XPO5: variants seen among roughly 807,000 people sequenced by gnomAD.
XPO5 encodes the protein exportin 5.
XPO5 carries 46 observed loss-of-function variants against 160.6 expected under a neutral mutation model. The ratio of observed to expected loss-of-function variants is 0.29; its 90% CI spans 0.23 to 0.37. XPO5 has a LOEUF of 0.37. Ranked by LOEUF, XPO5 falls within the 10% of genes least tolerant of loss-of-function variation. The probability of loss-of-function intolerance (pLI) is 1.00; values close to 1 mark genes in which losing one functional copy is unlikely to be tolerated. For synonymous variants in XPO5, 537 were observed against 519.3 expected (o/e 1.03, Z -0.46); for missense variants, 1,090 against 1,463.9 (o/e 0.74, Z 4.17).
Position 43,570,504 on chromosome 6 carries a change from C to T in XPO5, c.619G>A (p.Val207Met), listed in dbSNP as rs1285794722. ...TTATAGGTAGGGGTATCCCTTACCA[C>T]TTGCTGATACTTGTTTACATTTTCT... is the stretch of plus-strand genomic sequence containing the variant. ...LQENVNKYQQ[V>M]KTDTSQESKA... Residue 207 changes from valine to methionine, a missense_variant and splice_region_variant, in exon 5 of 32, where the codon GTG (valine) becomes ATG (methionine). Around this residue, in one of 3 missense-constraint regions of XPO5, gnomAD observed 110 missense variants for 97.9 expected, o/e 1.12. Coordinates refer to ENST00000265351, the MANE Select transcript of XPO5 (RefSeq NM_020750.3). 6.2e-7 allele frequency: 1 copy of T among 1,612,744 alleles called. No homozygotes were observed.
intron 21 of XPO5, among the ~76,000 whole-genome samples, chr6:43,533,028 C>T (rs1355312536): frequency 6.6e-6 from 1 of 151,998 alleles, no homozygotes; most frequent in Non-Finnish European, 1.5e-5. Flanking sequence ...TGCCTGTAGT[C>T]CCAGCAGGCT....
chr6:43,530,447 T>C (rs997088002), intron 23 of XPO5, among the ~76,000 whole-genome samples: 1 of 151,984 alleles, frequency 6.6e-6, no homozygotes, highest in African/African-American at 2.4e-5. Flanking sequence ...GTTTTATCTG[T>C]AATAATTCCG....
chr6:43,525,015 G>A, intron 29 of XPO5, 47 bp from the exon 30 acceptor site: 3 of 1,601,614 alleles, frequency 1.9e-6, no homozygotes, highest in East Asian at 4.5e-5. Context: ...CTCTCTCAAG[G>A]CCTCAGCACC....
Position 43,526,762 on chromosome 6 carries a change from C to T in XPO5, c.2921-15G>A, listed in dbSNP as rs752305335. The T allele has an allele frequency of 3.4e-5, 55 of 1,612,812 alleles. No homozygotes were observed. Among genetic ancestry groups the T allele is most frequent in the Admixed American group, 2.3e-4 (14 of 59,848 alleles). On this transcript the variant is annotated splice_polypyrimidine_tract_variant and intron_variant, in intron 26 of 31. Coordinates refer to ENST00000265351, the MANE Select transcript of XPO5 (RefSeq NM_020750.3). ...ACAGCAAACCGCTAAAGCAAGAAAGCAGGGTTACTAGGTGAAGGGTGGGTA... is the reference window on the plus strand; with the variant it reads ...ACAGCAAACCGCTAAAGCAAGAAAGTAGGGTTACTAGGTGAAGGGTGGGTA...
chr6:43,532,234 TAAATG>T (rs576638258), intron 21 of XPO5, among the ~76,000 whole-genome samples: 243 of 152,310 alleles, frequency 1.6e-3, no homozygotes, highest in African/African-American at 5.5e-3. Flanking sequence ...ACATAACCCT[TAAATG>T]GAATGGTGTC....
chr6:43,557,154 T>C (rs572619817), intron 12 of XPO5, among the ~76,000 whole-genome samples: 253 of 120,022 alleles, frequency 2.1e-3, no homozygotes, highest in Non-Finnish European at 3.1e-3. Context: ...AGGCTGGGTG[T>C]GGTGGCTTAC....
rs1794514678 is a variant in XPO5 at position 43,538,885 on chromosome 6, G to A, written c.2343-4878C>T. ...CAGAGACTCTGGTGTGGGTCTTGAC[G>A]AGGTGGTCAGTGAATTCCTGATAGG... On this transcript the variant is annotated intron_variant, in intron 20 of 31. Transcript: ENST00000265351. 23 of 1,284,514 alleles carry A rather than the reference G, an allele frequency of 1.8e-5. No homozygotes were observed. In the South Asian group the frequency reaches 2.7e-4, roughly 15 times the overall value. 79.6% of individuals were successfully genotyped at this position (1,284,514 alleles called of 1,614,324 possible). A position where few individuals can be genotyped will look rare whatever the true frequency, so the allele number is the denominator to read the frequency against.
chr6:43,549,949 GA>G lies in XPO5; in HGVS notation c.1729-16del, dbSNP rs756951967. ...GATGAAAATAGCTAAGGGAGAGGAG[GA>G]AAAAAGGTCACTCATGTTTATTTGT... is the stretch of plus-strand genomic sequence containing the variant. On this transcript the variant is annotated splice_polypyrimidine_tract_variant and intron_variant, in intron 15 of 31. Transcript: ENST00000265351. 6.2e-6 allele frequency: 10 copies of G among 1,611,052 alleles called. No homozygotes were observed. In the East Asian group the frequency reaches 6.7e-5, roughly 11 times the overall value.
intron 26 of XPO5, 156 bp downstream of exon 26, chr6:43,527,478 T>C: frequency 3.0e-6 from 2 of 668,224 alleles, no homozygotes; most frequent in Non-Finnish European, 5.1e-6. Flanking sequence ...TTCACCATGT[T>C]GGCCAGGATG....
At chr6:43,528,694 G>T (rs931867900) in intron 24 of XPO5, 134 bp downstream of exon 24, 3 of 793,824 alleles carry the variant, frequency 3.8e-6, no homozygotes, top group Non-Finnish European at 6.3e-6. Context: ...TAGTCAGCTG[G>T]GGTAGAAGCT....
At chr6:43,562,616 C>T (rs2127746715) in intron 8 of XPO5, among the ~76,000 whole-genome samples, 1 of 152,270 alleles carries the variant, frequency 6.6e-6, no homozygotes, top group Non-Finnish European at 1.5e-5. Flanking sequence ...TGGAGGAGGA[C>T]AGTATCACAT....
In XPO5 at chr6:43,562,236, C is replaced by G. The variant is rs757412553; in HGVS notation, c.1011+11G>C. 1.9e-6 allele frequency: 3 copies of G among 1,596,966 alleles called. No individual in the cohort carries two copies. The South Asian group carries it at 3.4e-5, about 18-fold the overall frequency. The stretch of plus-strand genomic sequence containing the variant: ...GGCTTGAAGCTCTCCAGAAAGCAAA[C>G]ACTAGCTCACCAGCAATGCACACAG... On this transcript the variant is annotated intron_variant, in intron 9 of 31. Transcript: ENST00000265351.
At chr6:43,525,007 C>A in intron 29 of XPO5, 39 bp from the exon 30 acceptor site, 2 of 1,604,372 alleles carry the variant, frequency 1.2e-6, no homozygotes, top group African/African-American at 1.3e-5. Flanking sequence ...CAGGGGGCCT[C>A]TCTCAAGGCC....
rs747937723 is a variant in XPO5, at chr6:43,533,897, C to T, written c.2443+10G>A. The T allele has an allele frequency of 3.0e-5, 47 of 1,585,264 alleles. No homozygotes were observed. The highest frequency in any genetic ancestry group is 3.6e-5 in the Non-Finnish European group (42 of 1,160,716). On this transcript the variant is annotated intron_variant, in intron 21 of 31. Transcript: ENST00000265351. ...ATAAACCTTAGGAGAAAAAAGGTTA[C>T]ATTTCTTACCTAATATAGCAGATTT...
intron 8 of XPO5, 73 bp from the exon 9 acceptor site, chr6:43,562,419 A>G (rs1762463890): frequency 3.6e-6 from 4 of 1,124,724 alleles, no homozygotes; most frequent in Non-Finnish European, 5.2e-6. Context: ...TTTGTGTCTC[A>G]TTTCTCCAAG....
At chr6:43,575,616 C>T in intron 1 of XPO5, 144 bp downstream of exon 1, 1 of 678,106 alleles carries the variant, frequency 1.5e-6, no homozygotes, top group Non-Finnish European at 2.4e-6. Context: ...CGCGGAGGGC[C>T]GCGAGGGGAA....
At chr6:43,542,709 A>G (rs1228970947) in intron 20 of XPO5, among the ~76,000 whole-genome samples, 1 of 152,210 alleles carries the variant, frequency 6.6e-6, no homozygotes, top group Non-Finnish European at 1.5e-5. Context: ...TACAGGCGTG[A>G]GCCACTGTGC....
chr6:43,533,118 G>C (rs1260352575), intron 21 of XPO5, among the ~76,000 whole-genome samples: 3 of 152,040 alleles, frequency 2.0e-5, no homozygotes, highest in South Asian at 4.1e-4. Context: ...CTGGGTGACA[G>C]AGTGAGACTC....
intron 28 of XPO5, 88 bp from the exon 29 acceptor site, chr6:43,525,302 T>G: frequency 7.7e-7 from 1 of 1,291,744 alleles, no homozygotes; most frequent in Admixed American, 2.4e-5. Flanking sequence ...GGAGGGTTTT[T>G]TTTTTTTCCT....
Sources: allele counts gnomAD v4.1 joint callset (sites outside exome capture counted in the v4.1 genomes callset), GRCh38; gene constraint gnomAD v4.1.1; regional missense constraint gnomAD v4.1.1; transcripts MANE v1.5; gene names NCBI Gene and HGNC (gene_info 2026-07-23, HGNC 2026-07-21).